The following SLC9A1 variants were observed in gnomAD, a reference collection of about 807,000 sequenced individuals.
SLC9A1 encodes solute carrier family 9 member A1.
In SLC9A1, 22 loss-of-function variants were observed where a neutral mutation model predicts 67.9. That is an observed-to-expected ratio of 0.32 (90% CI 0.23 to 0.46). The LOEUF (loss-of-function observed/expected upper bound fraction) is 0.46. Ranked by LOEUF, SLC9A1 falls within the 20% of genes least tolerant of loss-of-function variation. The pLI is 1.00. For synonymous variants in SLC9A1, 421 were observed against 471.8 expected (o/e 0.89, Z 1.40); for missense variants, 686 against 1,094.8 (o/e 0.63, Z 5.27).
At chr1:27,133,325 C>T (rs1557429051) in intron 1 of SLC9A1, among the ~76,000 whole-genome samples, 2 of 152,184 alleles carry the variant, frequency 1.3e-5, no homozygotes, top group Non-Finnish European at 2.9e-5. Flanking sequence ...TGTGCTTGGC[C>T]TCCCAAAGTG....
At chr1:27,108,453 G>A (rs563535592) in intron 3 of SLC9A1, among the ~76,000 whole-genome samples, 1 of 151,728 alleles carries the variant, frequency 6.6e-6, no homozygotes, top group African/African-American at 2.4e-5. Context: ...CGACAAAGGC[G>A]GATCACTTGA....
At position 27,109,127 on chromosome 1, in the gene SLC9A1, A is replaced by G. The variant is rs978729267; in HGVS notation, c.1064+400T>C. Among the ~76,000 whole-genome samples, 1 of 152,086 alleles carries G rather than the reference A, an allele frequency of 6.6e-6. No homozygotes were observed. Among genetic ancestry groups the G allele is most frequent in the Non-Finnish European group, 1.5e-5 (1 of 68,006 alleles). On this transcript the variant is annotated intron_variant, in intron 3 of 11. Coordinates refer to ENST00000263980, the MANE Select transcript of SLC9A1 (RefSeq NM_003047.5). The surrounding 1 kb of genome is among the most constrained non-coding windows in gnomAD (Gnocchi z 5.5). ...AGGACTCAGGCCTGGTGAGCCTCCT[A>G]CTGGGGCTGCTGAGGGGACTCCCTT...
rs1557440152 is a variant in SLC9A1, at chr1:27,153,918, G to C, written c.352+65C>G. Reference sequence around the variant, plus strand: ...TTACTCCTGGACAGCCTCAAATGGTGCGAGATGAGGCAAGAAGCTCACCAG... The same window carrying C: ...TTACTCCTGGACAGCCTCAAATGGTCCGAGATGAGGCAAGAAGCTCACCAG... On this transcript the variant is annotated intron_variant, in intron 1 of 11. Coordinates refer to ENST00000263980, the MANE Select transcript of SLC9A1 (RefSeq NM_003047.5). 4.6e-6 allele frequency: 5 copies of C among 1,079,352 alleles called. No individual in the cohort carries two copies. The Admixed American group carries it at 1.1e-4, about 24-fold the overall frequency. The allele number at this position is 1,079,352 out of a possible 1,614,324, so 66.9% of individuals were successfully genotyped here.
chr1:27,115,202 C>G (rs1380505546), intron 1 of SLC9A1, among the ~76,000 whole-genome samples: 1 of 152,138 alleles, frequency 6.6e-6, no homozygotes, highest in Non-Finnish European at 1.5e-5. Context: ...CCATCAAGGC[C>G]TCCTCACACA....
At chr1:27,142,752 T>C (rs1008514869) in intron 1 of SLC9A1, among the ~76,000 whole-genome samples, 3 of 152,238 alleles carry the variant, frequency 2.0e-5, no homozygotes, top group African/African-American at 7.2e-5. Flanking sequence ...AGGCGGAGCA[T>C]GTTGCATCTG....
intron 1 of SLC9A1, among the ~76,000 whole-genome samples, chr1:27,138,749 C>G (rs887407500): frequency 1.3e-5 from 2 of 152,136 alleles, no homozygotes; most frequent in Non-Finnish European, 2.9e-5. Context: ...GCGACTGGAA[C>G]AGGGAAAGGG....
At chr1:27,143,531 A>G (rs759277134) in intron 1 of SLC9A1, among the ~76,000 whole-genome samples, 2 of 152,162 alleles carry the variant, frequency 1.3e-5, no homozygotes, top group African/African-American at 2.4e-5. Context: ...CCAGGGCTCA[A>G]TGACAGCACT....
chr1:27,113,988 C>T lies in SLC9A1; in HGVS notation c.651G>A (p.Glu217=), dbSNP rs370747350. ...LMYAVCLVGG[E]QINNIGLLDN... is the part of the protein sequence containing the mutation. ...CCAGGAGGCCGATGTTGTTGATCTG[C>T]TCACCGCCCACCAGGCACACGGCGT... The change falls in exon 2 of 12, where the codon GAG becomes GAA. Residue 217 remains glutamate, a synonymous_variant. Transcript: ENST00000263980. The T allele has an allele frequency of 2.7e-5, 43 of 1,614,080 alleles. No homozygotes were observed. Among genetic ancestry groups the T allele is most frequent in the Non-Finnish European group, 3.5e-5 (41 of 1,180,060 alleles).
rs1244776564 is a variant in SLC9A1 at position 27,104,419 on chromosome 1, T to A, written c.1486-1107A>T. ...CTTAACTCGAGAGAGAGTCTCACTC[T>A]GTCACACAGGCTGGAGGAGTCACAC... is the stretch of plus-strand genomic sequence containing the variant. On this transcript the variant is annotated intron_variant, in intron 5 of 11. Coordinates refer to ENST00000263980, the MANE Select transcript of SLC9A1 (RefSeq NM_003047.5). 2.6e-5 allele frequency among the ~76,000 whole-genome samples: 4 copies of A among 151,542 alleles called. No homozygotes were observed. The East Asian group carries it at 7.8e-4, about 29-fold the overall frequency.
intron 1 of SLC9A1, among the ~76,000 whole-genome samples, chr1:27,123,212 A>AT (rs1382799366): frequency 6.6e-6 from 1 of 152,190 alleles, no homozygotes; most frequent in African/African-American, 2.4e-5. Flanking sequence ...TCTAACAGTC[A>AT]TATAAGTGTT....
At chr1:27,127,049 G>A (rs2083349464) in intron 1 of SLC9A1, among the ~76,000 whole-genome samples, 1 of 152,182 alleles carries the variant, frequency 6.6e-6, no homozygotes, top group Non-Finnish European at 1.5e-5. Flanking sequence ...TGCCCAGGCT[G>A]GAGTGCAGTG....
In SLC9A1 at chr1:27,120,118, G is replaced by GT. The variant is rs531248912; in HGVS notation, c.353-5833dup. Among the ~76,000 whole-genome samples, 8 of 150,786 alleles carry GT rather than the reference G, an allele frequency of 5.3e-5. 1 individual carries two copies. In the South Asian group the frequency reaches 1.0e-3, roughly 20 times the overall value. ...TGAGTTTCTGCTGTGGGGATGGGAGGTTTTTTTTGTTTTGTTTTGTTTTGT... is the reference window on the plus strand; with the variant it reads ...TGAGTTTCTGCTGTGGGGATGGGAGGTTTTTTTTTGTTTTGTTTTGTTTTGT... On this transcript the variant is annotated intron_variant, in intron 1 of 11. Coordinates refer to ENST00000263980, the MANE Select transcript of SLC9A1 (RefSeq NM_003047.5).
intron 1 of SLC9A1, among the ~76,000 whole-genome samples, chr1:27,125,244 T>TTC (rs2083334650): frequency 7.6e-6 from 1 of 131,398 alleles, no homozygotes; most frequent in Non-Finnish European, 1.6e-5. Flanking sequence ...TTTCTTTTTT[T>TTC]TTTTTTTTTT....
In SLC9A1 at chr1:27,106,549, T is replaced by C. The variant is rs2083186126; in HGVS notation, c.1283-462A>G. Among the ~76,000 whole-genome samples the C allele has an allele frequency of 6.6e-6, 1 of 151,948 alleles. No individual in the cohort carries two copies. The highest frequency in any genetic ancestry group is 2.4e-5 in the African/African-American group (1 of 41,334). The stretch of plus-strand genomic sequence containing the variant: ...ATCCCTGGAGGATGAGGCTCAGGAA[T>C]AAAGGGGATTTCAAAAGTGCACCAA... On this transcript the variant is annotated intron_variant, in intron 4 of 11. Coordinates refer to ENST00000263980, the MANE Select transcript of SLC9A1 (RefSeq NM_003047.5). The surrounding 1 kb of genome is among the most constrained non-coding windows in gnomAD (Gnocchi z 4.3).
In SLC9A1 at chr1:27,114,749, A is replaced by G. The variant is rs2083254245; in HGVS notation, c.353-463T>C. Among the ~76,000 whole-genome samples, 1 of 152,188 alleles carries G rather than the reference A, an allele frequency of 6.6e-6. No homozygotes were observed. On this transcript the variant is annotated intron_variant, in intron 1 of 11. Coordinates refer to ENST00000263980, the MANE Select transcript of SLC9A1 (RefSeq NM_003047.5). The surrounding 1 kb of genome is among the most constrained non-coding windows in gnomAD (Gnocchi z 5.4). ...ACAATCTAACAATTCTGTCTGAGGG[A>G]AGATGGTAGTTCCCTATCACGGAGC...
chr1:27,104,939 G>C (rs547211904), intron 5 of SLC9A1, among the ~76,000 whole-genome samples: 1 of 152,214 alleles, frequency 6.6e-6, no homozygotes, highest in Non-Finnish European at 1.5e-5. Flanking sequence ...CCTTAGGCAG[G>C]AGAGTGGCTG....
In SLC9A1 at chr1:27,109,130, G is replaced by A. The variant is rs575724892; in HGVS notation, c.1064+397C>T. 2.0e-5 allele frequency among the ~76,000 whole-genome samples: 3 copies of A among 152,230 alleles called. No individual in the cohort carries two copies. Among genetic ancestry groups the A allele is most frequent in the Non-Finnish European group, 2.9e-5 (2 of 68,000 alleles). On this transcript the variant is annotated intron_variant, in intron 3 of 11. Transcript: ENST00000263980. This position sits in a 1 kb window ranked among gnomAD's most constrained non-coding sequence, Gnocchi z 5.5. ...ACTCAGGCCTGGTGAGCCTCCTACTGGGGCTGCTGAGGGGACTCCCTTTGA... is the reference window on the plus strand; with the variant it reads ...ACTCAGGCCTGGTGAGCCTCCTACTAGGGCTGCTGAGGGGACTCCCTTTGA...
intron 2 of SLC9A1, among the ~76,000 whole-genome samples, chr1:27,110,323 G>C (rs1312251247): frequency 6.6e-6 from 1 of 152,140 alleles, no homozygotes; most frequent in Non-Finnish European, 1.5e-5. Context: ...TTCACACAAT[G>C]AACTAGAATG....
At chr1:27,138,367 C>T (rs2083432874) in intron 1 of SLC9A1, among the ~76,000 whole-genome samples, 1 of 152,228 alleles carries the variant, frequency 6.6e-6, no homozygotes, top group Admixed American at 6.5e-5. Flanking sequence ...CCACCTCTCC[C>T]TCATGTCTGC....
Sources: allele counts gnomAD v4.1 joint callset (sites outside exome capture counted in the v4.1 genomes callset), GRCh38; gene constraint gnomAD v4.1.1; non-coding constraint Gnocchi (gnomAD v3.1); transcripts MANE v1.5; gene names NCBI Gene and HGNC (gene_info 2026-07-23, HGNC 2026-07-21).